Variants in INSYN2B observed in about 807,000 individuals in gnomAD.
The protein encoded by INSYN2B is protein INSYN2B.
A neutral mutation model predicts 41.2 loss-of-function variants in INSYN2B; 16 were observed. The observed-to-expected ratio is 0.39, with a 90% CI of 0.26 to 0.59. INSYN2B has a LOEUF of 0.59. Among genes scored for constraint, INSYN2B ranks in the 20% least tolerant of loss-of-function variants. INSYN2B has a pLI of 0.57. For missense variants in INSYN2B, 608 were observed against 646.4 expected (o/e 0.94, Z 0.64); for synonymous variants, 245 against 244.4 (o/e 1.00, Z -0.02).
intron 1 of INSYN2B, among the ~76,000 whole-genome samples, chr5:169,970,305 A>C (rs1777454001): frequency 6.6e-6 from 1 of 152,218 alleles, no homozygotes; most frequent in Admixed American, 6.5e-5. Flanking sequence ...GTTCTGCCCC[A>C]AACCTGGATA....
At chr5:169,921,921 A>C (rs1775197152) in intron 1 of INSYN2B, among the ~76,000 whole-genome samples, 1 of 152,206 alleles carries the variant, frequency 6.6e-6, no homozygotes, top group Non-Finnish European at 1.5e-5. Context: ...CAGTAGAAAG[A>C]TGATCTTTTA....
intron 1 of INSYN2B, among the ~76,000 whole-genome samples, chr5:169,908,713 C>CTTTTTTT (rs34261104): frequency 1.1e-3 from 116 of 105,022 alleles, no homozygotes; most frequent in Middle Eastern, 4.7e-3. Flanking sequence ...TTTCTTTTTT[C>CTTTTTTT]TTTTTTTTTT....
At chr5:169,946,778 A>G (rs1464541028) in intron 1 of INSYN2B, among the ~76,000 whole-genome samples, 4 of 152,354 alleles carry the variant, frequency 2.6e-5, no homozygotes, top group Middle Eastern at 6.8e-3. Context: ...GGATCCTGTC[A>G]TTGAGAGTGA....
chr5:169,874,194 C>T (rs1561784724), intron 3 of INSYN2B, among the ~76,000 whole-genome samples: 1 of 152,102 alleles, frequency 6.6e-6, no homozygotes, highest in Non-Finnish European at 1.5e-5. Context: ...CAGTGGATCA[C>T]TTGAGGTCAG....
intron 3 of INSYN2B, among the ~76,000 whole-genome samples, chr5:169,880,490 G>T (rs1172785674): frequency 2.6e-5 from 4 of 152,160 alleles, no homozygotes; most frequent in Non-Finnish European, 2.9e-5. Flanking sequence ...TGTTCACTTT[G>T]GTCAACAAAA....
intron 1 of INSYN2B, among the ~76,000 whole-genome samples, chr5:169,967,513 G>T (rs1307201233): frequency 1.3e-5 from 2 of 152,160 alleles, no homozygotes; most frequent in African/African-American, 4.8e-5. Context: ...AGGAAGAGTG[G>T]AAGAAATAAG....
In INSYN2B at chr5:169,884,568, T is replaced by C. The variant is rs1772860842; in HGVS notation, c.-670A>G. 1 of 152,214 alleles carries C rather than the reference T, an allele frequency of 6.6e-6. No individual in the cohort carries two copies. The highest frequency in any genetic ancestry group is 6.5e-5 in the Admixed American group (1 of 15,278). The allele number at this position is 152,214 out of a possible 1,614,324, so 9.4% of individuals were successfully genotyped here. A position where few individuals can be genotyped will look rare whatever the true frequency, so the allele number is the denominator to read the frequency against. ...TGTTTTCTTTCATGCTGTCTCTCTT[T>C]TCTTCAGTGAGGGAAACTTATCTTC... On this transcript the variant is annotated 5_prime_UTR_variant, in exon 2 of 4. Transcript: ENST00000377365.
chr5:169,886,117 G>GA (rs979573180), intron 1 of INSYN2B, among the ~76,000 whole-genome samples: 14 of 152,054 alleles, frequency 9.2e-5, no homozygotes, highest in Admixed American at 9.2e-4. Context: ...TCTTTATAAA[G>GA]AAAAAAACCC....
intron 1 of INSYN2B, among the ~76,000 whole-genome samples, chr5:169,888,239 C>T (rs1010048215): frequency 6.6e-6 from 1 of 152,168 alleles, no homozygotes; most frequent in Non-Finnish European, 1.5e-5. Context: ...TAAAAGCACC[C>T]TCTGGAGGCC....
intron 1 of INSYN2B, among the ~76,000 whole-genome samples, chr5:169,976,335 A>G (rs1409553456): frequency 6.6e-6 from 1 of 152,214 alleles, no homozygotes; most frequent in Non-Finnish European, 1.5e-5. Context: ...CTGCATAAGC[A>G]AGCTACCTGA....
At chr5:169,917,750 C>A (rs1237786004) in intron 1 of INSYN2B, among the ~76,000 whole-genome samples, 2 of 152,164 alleles carry the variant, frequency 1.3e-5, no homozygotes, top group African/African-American at 4.8e-5. Flanking sequence ...TAATGTCACA[C>A]TCAGAAAGGG....
Position 169,864,252 on chromosome 5 carries a change from T to TG in INSYN2B, c.*20dup. ...AGGGAAGTGCGTGGAGTTGGGGGGC[T>TG]GGGGGATGGTCCCAACCAGCTCAGA... is the stretch of plus-strand genomic sequence containing the variant. On this transcript the variant is annotated 3_prime_UTR_variant, in exon 4 of 4. Coordinates refer to ENST00000377365, the MANE Select transcript of INSYN2B (RefSeq NM_001129891.3). 2 of 1,549,302 alleles carry TG rather than the reference T, an allele frequency of 1.3e-6. No individual in the cohort carries two copies. Among genetic ancestry groups the TG allele is most frequent in the Admixed American group, 2.0e-5 (1 of 51,002 alleles).
rs767114035 is a variant in INSYN2B, at chr5:169,862,727, T to C, written c.*1546A>G. ...TGATATTCCTTGCCAAATTTCCCTT[T>C]CATTCTCACTGAAATAGCTTTGTTC... On this transcript the variant is annotated 3_prime_UTR_variant, in exon 4 of 4. Transcript: ENST00000377365. 6.6e-6 allele frequency among the ~76,000 whole-genome samples: 1 copy of C among 152,220 alleles called. No homozygotes were observed. Among genetic ancestry groups the C allele is most frequent in the Non-Finnish European group, 1.5e-5 (1 of 68,040 alleles).
chr5:169,954,065 ACT>A (rs1412645096), intron 1 of INSYN2B, among the ~76,000 whole-genome samples: 4 of 152,070 alleles, frequency 2.6e-5, no homozygotes, highest in Non-Finnish European at 5.9e-5. Flanking sequence ...GACCCTGAAC[ACT>A]CTTCCTTTTG....
chr5:169,861,976 T>C lies in INSYN2B; in HGVS notation c.*2297A>G, dbSNP rs1307788015. The stretch of plus-strand genomic sequence containing the variant: ...TGGGGAAGTGCAGAAAATGTCAACA[T>C]TTTCTAGTCCCAGTTTTATTTAATT... On this transcript the variant is annotated 3_prime_UTR_variant, in exon 4 of 4. Coordinates refer to ENST00000377365, the MANE Select transcript of INSYN2B (RefSeq NM_001129891.3). Among the ~76,000 whole-genome samples, 3 of 151,818 alleles carry C rather than the reference T, an allele frequency of 2.0e-5. No individual in the cohort carries two copies. Among genetic ancestry groups the C allele is most frequent in the African/African-American group, 4.8e-5 (2 of 41,350 alleles).
At position 169,864,306 on chromosome 5, in the gene INSYN2B, C is replaced by G. The variant is rs371857597; in HGVS notation, c.1575G>C (p.Lys525Asn). The G allele has an allele frequency of 8.4e-6, 13 of 1,551,620 alleles. No homozygotes were observed. In the African/African-American group the frequency reaches 1.8e-4, roughly 21 times the overall value. The change falls in exon 4 of 4, where the codon AAG becomes AAC. Residue 525 changes from lysine (K) to asparagine (N), a missense_variant. Transcript: ENST00000377365. ...ACCAGAAGCATTTCTTTTTCACCTT[C>G]TTGGTTTTCCGCCTTAAGTCCTGCT... ...PEKQDLRRKT[K>N]KVKKKCFWWI is the part of the protein sequence containing the mutation.
chr5:169,887,477 G>T (rs1323986314), intron 1 of INSYN2B, among the ~76,000 whole-genome samples: 1 of 152,114 alleles, frequency 6.6e-6, no homozygotes, highest in East Asian at 1.9e-4. Flanking sequence ...CACAGAAATT[G>T]CATACACAGA....
At position 169,883,426 on chromosome 5, in the gene INSYN2B, T is replaced by C. The variant is rs1772785112; in HGVS notation, c.473A>G (p.Glu158Gly). The part of the protein sequence containing the change: ...LAYLRLAQHL[E>G]DGPRRVKVSH... ...CACCTTGACCCTTCGAGGCCCATCC[T>C]CAAGATGCTGAGCCAACCTTAAGTA... Residue 158 changes from glutamate (E) to glycine (G), a missense_variant, in exon 2 of 4, where the codon GAG (glutamate) becomes GGG (glycine). Transcript: ENST00000377365. 5 of 1,551,606 alleles carry C rather than the reference T, an allele frequency of 3.2e-6. No individual in the cohort carries two copies.
chr5:169,863,476 C>T lies in INSYN2B; in HGVS notation c.*797G>A, dbSNP rs572247392. Reference sequence around the variant, plus strand: ...TTAAAGTTCACACCAAAAACAGATTCCACCCATTTGCCAGGTGGTCTCAGG... The same window carrying T: ...TTAAAGTTCACACCAAAAACAGATTTCACCCATTTGCCAGGTGGTCTCAGG... On this transcript the variant is annotated 3_prime_UTR_variant, in exon 4 of 4. Coordinates refer to ENST00000377365, the MANE Select transcript of INSYN2B (RefSeq NM_001129891.3). 5.3e-5 allele frequency among the ~76,000 whole-genome samples: 8 copies of T among 152,322 alleles called. No homozygotes were observed. The highest frequency in any genetic ancestry group is 1.9e-4 in the African/African-American group (8 of 41,574).
Sources: allele counts gnomAD v4.1 joint callset (sites outside exome capture counted in the v4.1 genomes callset), GRCh38; gene constraint gnomAD v4.1.1; transcripts MANE v1.5; gene names NCBI Gene and HGNC (gene_info 2026-07-23, HGNC 2026-07-21).